Variants in CRACDL observed in about 807,000 individuals in gnomAD.
CRACDL encodes CRACD-like protein.
Under a neutral mutation model 70.6 loss-of-function variants are expected in CRACDL, and 26 were observed. That is an observed-to-expected ratio of 0.37 (90% CI 0.27 to 0.51). The LOEUF (loss-of-function observed/expected upper bound fraction) is 0.51, where lower values mean the gene tolerates loss of function less well. Ranked by LOEUF, CRACDL falls within the 20% of genes least tolerant of loss-of-function variation. The pLI, the probability that CRACDL is intolerant of heterozygous loss-of-function variation, is 0.94. For missense variants in CRACDL, 1,283 were observed against 1,376.9 expected, an observed-to-expected ratio of 0.93 and a Z score of 1.08; for synonymous variants, 618 against 615.2, an observed-to-expected ratio of 1.00 and a Z score of -0.07.
chr2:98,870,777 C>T (rs1209778938), intron 1 of CRACDL, among the ~76,000 whole-genome samples: 5 of 152,244 alleles, frequency 3.3e-5, no homozygotes, highest in African/African-American at 1.2e-4. Flanking sequence ...TTGCTTTCGC[C>T]TGCTCTGGGC....
intron 1 of CRACDL, among the ~76,000 whole-genome samples, chr2:98,857,645 CA>C (rs2104564088): frequency 6.6e-6 from 1 of 152,180 alleles, no homozygotes; most frequent in Admixed American, 6.5e-5. Context: ...CACAGAAGAA[CA>C]AAGTACTCTG....
intron 1 of CRACDL, among the ~76,000 whole-genome samples, chr2:98,929,324 G>A (rs778497685): frequency 1.1e-4 from 17 of 152,194 alleles, no homozygotes; most frequent in Non-Finnish European, 2.1e-4. Context: ...GATGCCCTTG[G>A]ACCTGGTGTG....
At chr2:98,872,687 G>C (rs1707381549) in intron 1 of CRACDL, among the ~76,000 whole-genome samples, 1 of 152,250 alleles carries the variant, frequency 6.6e-6, no homozygotes. Context: ...AGCCTGGGCT[G>C]CAGCCCGAGA....
intron 7 of CRACDL, among the ~76,000 whole-genome samples, chr2:98,801,005 G>C (rs1311477816): frequency 6.6e-6 from 1 of 152,138 alleles, no homozygotes; most frequent in Non-Finnish European, 1.5e-5. Context: ...GCCCTGGCTG[G>C]GCCAGGCCAT....
In CRACDL at chr2:98,908,263, C is replaced by T. The variant is rs955384406; in HGVS notation, c.-11+27675G>A. The stretch of plus-strand genomic sequence containing the variant: ...TAAATGTGTGGCCTAGAGAGAGCTC[C>T]GAGGTCACCCTCAGGTAGGGCATCT... On this transcript the variant is annotated intron_variant, in intron 1 of 9. Transcript: ENST00000397899. 12 of 152,412 alleles carry T rather than the reference C, an allele frequency of 7.9e-5. No homozygotes were observed. The South Asian group carries it at 8.3e-4, about 11-fold the overall frequency. The allele number at this position is 152,412 out of a possible 1,614,324, so 9.4% of individuals were successfully genotyped here.
At chr2:98,849,436 T>C (rs963705631) in intron 1 of CRACDL, among the ~76,000 whole-genome samples, 2 of 152,042 alleles carry the variant, frequency 1.3e-5, no homozygotes, top group African/African-American at 4.8e-5. Context: ...TGTGGGTGGG[T>C]GTGCAGAGGG....
chr2:98,803,479 T>C (rs1326303874), intron 7 of CRACDL, among the ~76,000 whole-genome samples: 1 of 152,196 alleles, frequency 6.6e-6, no homozygotes, highest in Non-Finnish European at 1.5e-5. Flanking sequence ...TTCATAACAT[T>C]TCTTTCTTGT....
At chr2:98,895,513 G>A (rs953987965) in intron 1 of CRACDL, among the ~76,000 whole-genome samples, 10 of 152,186 alleles carry the variant, frequency 6.6e-5, no homozygotes, top group African/African-American at 2.4e-4. Context: ...CGGAGGCAGG[G>A]GGGAACATAA....
rs144555338 is a variant in CRACDL at position 98,842,228 on chromosome 2, C to T, written c.71-3941G>A. On this transcript the variant is annotated intron_variant, in intron 2 of 9. Coordinates refer to ENST00000397899, the MANE Select transcript of CRACDL (RefSeq NM_207362.3). ...TCCATCTTTTTACCATTCTATGGTA[C>T]ATTTTGCATAATTTCCTGTGATCTA... is the stretch of plus-strand genomic sequence containing the variant. Among the ~76,000 whole-genome samples, 407 of 152,008 alleles carry T rather than the reference C, an allele frequency of 2.7e-3. 1 individual carries two copies. The highest frequency in any genetic ancestry group is 5.8e-3 in the Admixed American group (88 of 15,274).
At position 98,795,070 on chromosome 2, in the gene CRACDL, TATATA is replaced by T. The variant is rs1703748060; in HGVS notation, c.2750-404_2750-400del. On this transcript the variant is annotated intron_variant, in intron 9 of 9. Coordinates refer to ENST00000397899, the MANE Select transcript of CRACDL (RefSeq NM_207362.3). The stretch of plus-strand genomic sequence containing the variant: ...ATATATATATATATATATATATATA[TATATA>T]TATTTTTTTTTTTTTTTGAGACAGA... Among the ~76,000 whole-genome samples, 2 of 64,518 alleles carry T rather than the reference TATATA, an allele frequency of 3.1e-5. 1 individual carries two copies. The highest frequency in any genetic ancestry group is 1.0e-3 in the South Asian group (2 of 1,920). The allele number at this position is 64,518 out of a possible 152,430, so 42.3% of individuals were successfully genotyped here. A position where few individuals can be genotyped will look rare whatever the true frequency, so the allele number is the denominator to read the frequency against.
rs771733695 is a variant in CRACDL at position 98,796,232 on chromosome 2, G to T, written c.2637C>A (p.Ser879Arg). The change falls in exon 9 of 10, where the codon AGC becomes AGA. Residue 879 changes from serine (S) to arginine (R), a missense_variant. Ser to Arg is a moderately radical substitution (Grantham distance 110). Coordinates refer to ENST00000397899, the MANE Select transcript of CRACDL (RefSeq NM_207362.3). ...EPVKQADFVRSKSFLITPVKP... is the reference protein window; with the variant it reads ...EPVKQADFVRRKSFLITPVKP... The stretch of plus-strand genomic sequence containing the variant: ...TCACAGGGGTTATCAGGAAAGACTT[G>T]CTGCGAACAAAGTCAGCTTGCTTCA... The T allele has an allele frequency of 1.2e-5, 19 of 1,614,162 alleles. No homozygotes were observed. Among genetic ancestry groups the T allele is most frequent in the Non-Finnish European group, 1.6e-5 (19 of 1,179,974 alleles).
At chr2:98,826,243 T>C (rs1395568509) in intron 6 of CRACDL, among the ~76,000 whole-genome samples, 15 of 152,220 alleles carry the variant, frequency 9.9e-5, no homozygotes, top group Admixed American at 9.8e-4. Flanking sequence ...TTCCGAGGCA[T>C]GCTCCCCATG....
intron 6 of CRACDL, 100 bp downstream of exon 6, chr2:98,826,875 A>C: frequency 5.5e-6 from 4 of 721,432 alleles, no homozygotes; most frequent in Non-Finnish European, 8.7e-6. Context: ...CAGAGGGGGC[A>C]TGAGACCCTG....
At chr2:98,816,130 G>A (rs1025514918) in intron 7 of CRACDL, among the ~76,000 whole-genome samples, 6 of 152,176 alleles carry the variant, frequency 3.9e-5, no homozygotes, top group African/African-American at 1.2e-4. Context: ...GTGGCAGAGC[G>A]CAGAGGTGTT....
At chr2:98,887,188 A>G (rs1289396840) in intron 1 of CRACDL, among the ~76,000 whole-genome samples, 1 of 152,212 alleles carries the variant, frequency 6.6e-6, no homozygotes, top group Non-Finnish European at 1.5e-5. Context: ...ATCGAAAAAA[A>G]TAACAATGAA....
intron 1 of CRACDL, among the ~76,000 whole-genome samples, chr2:98,903,514 G>T (rs1032386475): frequency 6.6e-6 from 1 of 152,110 alleles, no homozygotes; most frequent in South Asian, 2.1e-4. Context: ...GCATAAGAGC[G>T]GACATCGTCT....
intron 1 of CRACDL, among the ~76,000 whole-genome samples, chr2:98,886,333 G>T (rs532189489): frequency 6.6e-6 from 1 of 152,332 alleles, no homozygotes; most frequent in South Asian, 2.1e-4. Flanking sequence ...ACAATTACCG[G>T]CAAATATTTA....
chr2:98,843,989 A>G (rs1304370089), intron 2 of CRACDL, among the ~76,000 whole-genome samples: 1 of 151,948 alleles, frequency 6.6e-6, no homozygotes, highest in African/African-American at 2.4e-5. Context: ...CACTATTATT[A>G]TTTCACCTCT....
chr2:98,932,797 C>G (rs1017126722), intron 1 of CRACDL, among the ~76,000 whole-genome samples: 4 of 152,322 alleles, frequency 2.6e-5, no homozygotes, highest in African/African-American at 9.6e-5. Flanking sequence ...AAGGGCAAAG[C>G]CTGGAAGCTG....
Sources: allele counts gnomAD v4.1 joint callset (sites outside exome capture counted in the v4.1 genomes callset), GRCh38; gene constraint gnomAD v4.1.1; transcripts MANE v1.5; gene names NCBI Gene and HGNC (gene_info 2026-07-23, HGNC 2026-07-21).